RYR1: variants seen among roughly 807,000 people sequenced by gnomAD.
RYR1 encodes the protein ryanodine receptor 1.
In RYR1, 342 loss-of-function variants were observed where a neutral mutation model predicts 583.5. That is an observed-to-expected ratio of 0.59 (90% CI 0.54 to 0.64). The LOEUF is 0.64. RYR1 is among the 30% of genes least tolerant of loss of function. The probability of loss-of-function intolerance (pLI) is 0.00; values close to 1 mark genes in which losing one functional copy is unlikely to be tolerated. For missense variants in RYR1, 6,032 were observed against 6,917.2 expected (o/e 0.87, Z 4.54); for synonymous variants, 2,791 against 2,822.5 (o/e 0.99, Z 0.35).
chr19:38,549,280 A>G (rs1358491713), intron 89 of RYR1, among the ~76,000 whole-genome samples: 1 of 152,108 alleles, frequency 6.6e-6, no homozygotes, highest in East Asian at 1.9e-4. Context: ...TAAAATGGGG[A>G]TAGGATAATC....
chr19:38,495,244 C>G (rs1969762964), intron 39 of RYR1, among the ~76,000 whole-genome samples: 1 of 152,134 alleles, frequency 6.6e-6, no homozygotes. Context: ...CTTCAGTGAG[C>G]TCATGCGAAT....
Position 38,529,037 on chromosome 19 carries a change from C to T in RYR1, c.11121C>T (p.Arg3707=), listed in dbSNP as rs769727038. The T allele has an allele frequency of 1.2e-6, 2 of 1,613,912 alleles. No homozygotes were observed. The highest frequency in any genetic ancestry group is 1.7e-6 in the Non-Finnish European group (2 of 1,180,008). ...PLHQLVLHFS[R]TALTEKSKLD... ...ACCAGTTGGTCCTGCACTTCAGCCG[C>T]ACTGCCCTGACGGAAAAGAGGTGAA... Residue 3707 remains arginine, a synonymous_variant, in exon 76 of 106, where the codon CGC becomes CGT. Coordinates refer to ENST00000359596, the MANE Select transcript of RYR1 (RefSeq NM_000540.3).
Position 38,465,738 on chromosome 19 carries a change from T to C in RYR1, c.2871-353T>C, listed in dbSNP as rs189585798. Among the ~76,000 whole-genome samples the C allele has an allele frequency of 7.9e-5, 12 of 151,926 alleles. No homozygotes were observed. The East Asian group carries it at 2.3e-3, about 29-fold the overall frequency. ...GAGATCGTGCCATTGCACTCCAGCC[T>C]GGGCAACAAGAGTGAAACTCCGTAT... On this transcript the variant is annotated intron_variant, in intron 23 of 105. Transcript: ENST00000359596.
chr19:38,559,173 G>A (rs1051920466), intron 89 of RYR1, among the ~76,000 whole-genome samples: 8 of 151,024 alleles, frequency 5.3e-5, no homozygotes, highest in Non-Finnish European at 1.2e-4. Context: ...CAAGAGCAAA[G>A]TCTAGGAGTG....
In RYR1 at chr19:38,506,525, A is replaced by C. The variant is rs146793133; in HGVS notation, c.8671A>C (p.Lys2891Gln). ...CCACAACACGTGGGGACGGAAGAAG[A>C]AGCAGGAGCTGGAAGCCAAAGGTGA... is the stretch of plus-strand genomic sequence containing the variant. Reference protein sequence around the residue: ...NYHNTWGRKKKQELEAKGGGT... With the variant: ...NYHNTWGRKKQQELEAKGGGT... Residue 2891 changes from lysine to glutamine, a missense_variant, in exon 56 of 106, where the codon AAG (lysine) becomes CAG (glutamine). Transcript: ENST00000359596. The C allele has an allele frequency of 1.1e-4, 184 of 1,614,010 alleles. No individual in the cohort carries two copies. In the African/African-American group the frequency reaches 1.4e-3, roughly 12 times the overall value.
intron 58 of RYR1, among the ~76,000 whole-genome samples, chr19:38,510,066 G>A (rs1970658242): frequency 6.6e-6 from 1 of 152,140 alleles, no homozygotes; most frequent in African/African-American, 2.4e-5. Context: ...AAGAAGTTGG[G>A]GGAAAGCACA....
At position 38,543,787 on chromosome 19, in the gene RYR1, A is replaced by G. The variant is rs1220394286; in HGVS notation, c.11924A>G (p.Asn3975Ser). The G allele has an allele frequency of 6.2e-7, 1 of 1,613,598 alleles. No individual in the cohort carries two copies. The highest frequency in any genetic ancestry group is 1.7e-5 in the Admixed American group (1 of 60,026). Residue 3975 changes from asparagine to serine, a missense_variant, in exon 87 of 106, where the codon AAC (asparagine) becomes AGC (serine). This residue lies in a region of RYR1 where 82 missense variants were observed against 139.7 expected (regional missense o/e 0.59). Coordinates refer to ENST00000359596, the MANE Select transcript of RYR1 (RefSeq NM_000540.3). The surrounding 1 kb of genome is among the most constrained non-coding windows in gnomAD (Gnocchi z 4.4). ...GCCTCCCAGGGTCCCTGCACCGGGA[A>G]CCAGCAGAGCCTGGCGCACAGTCGC... is the stretch of plus-strand genomic sequence containing the variant. ...TEYIQGPCTG[N>S]QQSLAHSRLW...
intron 100 of RYR1, 103 bp from the exon 101 acceptor site, chr19:38,580,267 A>C: frequency 6.3e-7 from 1 of 1,585,276 alleles, no homozygotes; most frequent in Admixed American, 1.7e-5. Context: ...TGGGGCAGCA[A>C]GGTAGAGCCA....
intron 1 of RYR1, among the ~76,000 whole-genome samples, chr19:38,434,328 G>T (rs1242537521): frequency 6.6e-6 from 1 of 152,094 alleles, no homozygotes; most frequent in Non-Finnish European, 1.5e-5. Context: ...GGACACAGCT[G>T]CTTCCAACTC....
rs745844424 is a variant in RYR1, at chr19:38,463,540, C to T, written c.2682+13C>T. 18 of 1,608,658 alleles carry T rather than the reference C, an allele frequency of 1.1e-5. No individual in the cohort carries two copies. In the South Asian group the frequency reaches 1.2e-4, roughly 11 times the overall value. On this transcript the variant is annotated intron_variant, in intron 21 of 105. Coordinates refer to ENST00000359596, the MANE Select transcript of RYR1 (RefSeq NM_000540.3). ...GACCTACGGCCCGGTGAGGGGCTGC[C>T]TGCAGCCTGCGGGAGGCCGGCTAGA... is the stretch of plus-strand genomic sequence containing the variant.
Position 38,443,703 on chromosome 19 carries a change from C to T in RYR1, c.346-15C>T. ...GGCCTGCTAGAAGGAGGCTGACCTCCCTCTACAACCCTAGTATCTGAGCTG... is the reference window on the plus strand; with the variant it reads ...GGCCTGCTAGAAGGAGGCTGACCTCTCTCTACAACCCTAGTATCTGAGCTG... On this transcript the variant is annotated splice_polypyrimidine_tract_variant and intron_variant, in intron 4 of 105. Transcript: ENST00000359596. 1 of 1,614,124 alleles carries T rather than the reference C, an allele frequency of 6.2e-7. No individual in the cohort carries two copies.
At chr19:38,468,852 C>T in intron 25 of RYR1, 114 bp from the exon 26 acceptor site, 6 of 1,141,274 alleles carry the variant, frequency 5.3e-6, no homozygotes, top group Non-Finnish European at 7.7e-6. Flanking sequence ...ACCACCTGCC[C>T]TGAACCTGAC....
rs775327797 is a variant in RYR1, at chr19:38,587,446, C to T, written c.*26C>T. The T allele has an allele frequency of 3.2e-6, 5 of 1,561,910 alleles. No individual in the cohort carries two copies. Among genetic ancestry groups the T allele is most frequent in the Non-Finnish European group, 4.4e-6 (5 of 1,133,094 alleles). On this transcript the variant is annotated 3_prime_UTR_variant, in exon 106 of 106. Coordinates refer to ENST00000359596, the MANE Select transcript of RYR1 (RefSeq NM_000540.3). ...CACACCCCCAGCTGGCCCTCCACCC[C>T]CACCTCAAGTGCCTTATTCTCACAG... is the stretch of plus-strand genomic sequence containing the variant.
In RYR1 at chr19:38,502,914, C is replaced by G; in HGVS notation, c.7870C>G (p.Arg2624Gly). ...IRPSMLQHLL[R>G]RLVFDVPILN... ...CCCGTCGATGCTGCAGCACCTGTTG[C>G]GCCGCCTGGTGTTCGACGTGCCCAT... Residue 2624 changes from arginine to glycine, a missense_variant, in exon 49 of 106, where the codon CGC becomes GGC. Transcript: ENST00000359596. The G allele has an allele frequency of 6.2e-7, 1 of 1,611,816 alleles. No individual in the cohort carries two copies. The highest frequency in any genetic ancestry group is 8.5e-7 in the Non-Finnish European group (1 of 1,179,974).
chr19:38,511,315 G>C (rs915315694), intron 60 of RYR1, among the ~76,000 whole-genome samples: 5 of 151,702 alleles, frequency 3.3e-5, no homozygotes, highest in African/African-American at 4.8e-5. Context: ...AACAAACAAA[G>C]AATAATAAGA....
In RYR1 at chr19:38,444,414, T is replaced by G. The variant is rs1972839353; in HGVS notation, c.537+153T>G. Among the ~76,000 whole-genome samples, 1 of 152,140 alleles carries G rather than the reference T, an allele frequency of 6.6e-6. No individual in the cohort carries two copies. The highest frequency in any genetic ancestry group is 3.2e-3 in the Middle Eastern group (1 of 316). ...GACCCCTGACATCCAATTTTCTGAT[T>G]TCTGACCTCCCATTGCCCGACTTGA... On this transcript the variant is annotated intron_variant, in intron 6 of 105. Coordinates refer to ENST00000359596, the MANE Select transcript of RYR1 (RefSeq NM_000540.3). This position sits in a 1 kb window ranked among gnomAD's most constrained non-coding sequence, Gnocchi z 5.1.
chr19:38,539,047 T>C (rs1176471235), intron 84 of RYR1, among the ~76,000 whole-genome samples: 1 of 152,164 alleles, frequency 6.6e-6, no homozygotes, highest in Non-Finnish European at 1.5e-5. Context: ...CTTACTTCCA[T>C]AGAACCTTCA....
chr19:38,454,517 A>G (rs542134862), intron 13 of RYR1, among the ~76,000 whole-genome samples: 2 of 152,354 alleles, frequency 1.3e-5, no homozygotes, highest in South Asian at 4.1e-4. Context: ...TTTAATGTTA[A>G]TGACTCAACA....
At chr19:38,492,709 C>A in intron 38 of RYR1, 73 bp downstream of exon 38, 1 of 1,484,048 alleles carries the variant, frequency 6.7e-7, no homozygotes, top group Non-Finnish European at 9.2e-7. Flanking sequence ...CCTCTGGGTC[C>A]CAAAGAGGGC....
Sources: allele counts gnomAD v4.1 joint callset (sites outside exome capture counted in the v4.1 genomes callset), GRCh38; gene constraint gnomAD v4.1.1; regional missense constraint gnomAD v4.1.1; non-coding constraint Gnocchi (gnomAD v3.1); transcripts MANE v1.5; gene names NCBI Gene and HGNC (gene_info 2026-07-23, HGNC 2026-07-21).